PCED1B: variants seen among roughly 807,000 people sequenced by gnomAD.
The protein encoded by PCED1B is PC-esterase domain-containing protein 1B.
For missense variants in PCED1B, 573 were observed against 573.9 expected (o/e 1.00, Z 0.02); for synonymous variants, 251 against 246.1 (o/e 1.02, Z -0.19).
chr12:47,128,107 C>T (rs549135427), intron 2 of PCED1B, among the ~76,000 whole-genome samples: 1 of 152,204 alleles, frequency 6.6e-6, no homozygotes, highest in South Asian at 2.1e-4. Flanking sequence ...AAATTTAGAT[C>T]TGTAAATAAA....
At chr12:47,125,429 G>A (rs187208164) in intron 2 of PCED1B, among the ~76,000 whole-genome samples, 4 of 151,986 alleles carry the variant, frequency 2.6e-5, no homozygotes, top group South Asian at 2.1e-4. Context: ...TTTTTAATAC[G>A]TCTTAATATC....
At chr12:47,183,010 C>T (rs1942144390) in intron 2 of PCED1B, among the ~76,000 whole-genome samples, 1 of 139,820 alleles carries the variant, frequency 7.2e-6, no homozygotes, top group South Asian at 2.7e-4. Flanking sequence ...CTTCAGGGGT[C>T]TCTCTTTTTT....
At chr12:47,106,448 G>A (rs191845824) in intron 2 of PCED1B, among the ~76,000 whole-genome samples, 37 of 152,280 alleles carry the variant, frequency 2.4e-4, no homozygotes, top group African/African-American at 8.4e-4. Context: ...GGGTGCCTAT[G>A]AGAAAGTATA....
chr12:47,188,820 TA>T (rs1183852741), intron 2 of PCED1B, among the ~76,000 whole-genome samples: 1 of 152,192 alleles, frequency 6.6e-6, no homozygotes, highest in African/African-American at 2.4e-5. Flanking sequence ...TCATTCTCCG[TA>T]AAAAACAGGC....
intron 3 of PCED1B, among the ~76,000 whole-genome samples, chr12:47,219,013 T>A (rs2037760233): frequency 6.6e-6 from 1 of 152,014 alleles, no homozygotes; most frequent in African/African-American, 2.4e-5. Context: ...TGGTGGCAAA[T>A]GCCTGTGATC....
At chr12:47,164,860 T>G (rs2137522697) in intron 2 of PCED1B, among the ~76,000 whole-genome samples, 1 of 152,358 alleles carries the variant, frequency 6.6e-6, no homozygotes, top group East Asian at 1.9e-4. Flanking sequence ...AAGCTGTTTA[T>G]GTGGCTAGTT....
chr12:47,186,226 GAAA>G (rs1051033022), intron 2 of PCED1B, among the ~76,000 whole-genome samples: 1,776 of 34,814 alleles, frequency 0.051, 25 homozygotes, highest in Middle Eastern at 0.11. Flanking sequence ...TAAAAAAAAA[GAAA>G]AAAAAAAAGA....
chr12:47,120,807 A>C (rs1048675151), intron 2 of PCED1B, among the ~76,000 whole-genome samples: 3 of 152,116 alleles, frequency 2.0e-5, no homozygotes, highest in African/African-American at 7.2e-5. Context: ...ATCTCAAAAA[A>C]TAATAATAAT....
At chr12:47,231,705 T>C (rs972481453) in intron 3 of PCED1B, among the ~76,000 whole-genome samples, 17 of 152,180 alleles carry the variant, frequency 1.1e-4, no homozygotes, top group African/African-American at 3.6e-4. Flanking sequence ...AAAGAATGCA[T>C]TAGAGCATTC....
chr12:47,179,556 A>G (rs151166488), intron 2 of PCED1B, among the ~76,000 whole-genome samples: 8 of 152,336 alleles, frequency 5.3e-5, no homozygotes, highest in African/African-American at 1.9e-4. Context: ...AATACTTTAA[A>G]AAACAACTGC....
At chr12:47,142,047 C>G (rs191474551) in intron 2 of PCED1B, among the ~76,000 whole-genome samples, 1 of 152,208 alleles carries the variant, frequency 6.6e-6, no homozygotes, top group Admixed American at 6.5e-5. Context: ...GGGAACTACA[C>G]CCATCCATGC....
chr12:47,137,934 T>G (rs532438648), intron 2 of PCED1B, among the ~76,000 whole-genome samples: 13 of 152,276 alleles, frequency 8.5e-5, no homozygotes, highest in African/African-American at 3.1e-4. Flanking sequence ...TTCTTGTCAT[T>G]GAAAAGGACA....
At chr12:47,208,836 G>C (rs1942991515) in intron 2 of PCED1B, 1 of 152,136 alleles carries the variant, frequency 6.6e-6, no homozygotes, top group Non-Finnish European at 1.5e-5. Flanking sequence ...ACACTGGCCG[G>C]GTGCAGTGGT....
chr12:47,117,297 A>C (rs12099634), intron 2 of PCED1B, among the ~76,000 whole-genome samples: 13,108 of 152,164 alleles, frequency 0.086, 914 homozygotes, highest in African/African-American at 0.19. Context: ...TGCTGCACCC[A>C]TTAACTCGTC....
rs978579672 is a variant in PCED1B, at chr12:47,136,476, A to G, written c.-526+32281A>G. ...AAGGATAAGTGAATAATAAGAAGGC[A>G]GCATGATGTACCCAAGGGAAATTTG... is the stretch of plus-strand genomic sequence containing the variant. On this transcript the variant is annotated intron_variant, in intron 2 of 3. Transcript: ENST00000546455. 5.9e-5 allele frequency among the ~76,000 whole-genome samples: 9 copies of G among 152,350 alleles called. No individual in the cohort carries two copies. The East Asian group carries it at 1.7e-3, about 29-fold the overall frequency.
At position 47,185,982 on chromosome 12, in the gene PCED1B, G is replaced by A. The variant is rs147329762; in HGVS notation, c.-525-30240G>A. Among the ~76,000 whole-genome samples the A allele has an allele frequency of 3.6e-3, 548 of 152,136 alleles. 8 individuals carry two copies. The highest frequency in any genetic ancestry group is 0.035 in the East Asian group (181 of 5,140). On this transcript the variant is annotated intron_variant, in intron 2 of 3. Transcript: ENST00000546455. ...CACCTGTAATCCCAGCACTTTGGGA[G>A]GCCAAGGTGGGCGGATCACGAGGTC...
At chr12:47,200,291 T>C (rs1002211659) in intron 2 of PCED1B, among the ~76,000 whole-genome samples, 1 of 151,992 alleles carries the variant, frequency 6.6e-6, no homozygotes, top group Non-Finnish European at 1.5e-5. Flanking sequence ...AAGACCTGAA[T>C]AGACACCGCA....
intron 1 of PCED1B, among the ~76,000 whole-genome samples, chr12:47,085,654 T>G (rs914079240): frequency 8.5e-5 from 13 of 152,138 alleles, no homozygotes; most frequent in Admixed American, 3.3e-4. Context: ...AGAAAAAATA[T>G]ATATGTATGT....
At chr12:47,119,945 G>C (rs1374097494) in intron 2 of PCED1B, among the ~76,000 whole-genome samples, 1 of 148,900 alleles carries the variant, frequency 6.7e-6, no homozygotes, top group Non-Finnish European at 1.5e-5. Context: ...CAGCCTGGGG[G>C]ACAGAGTGAG....
Sources: allele counts gnomAD v4.1 joint callset (sites outside exome capture counted in the v4.1 genomes callset), GRCh38; gene constraint gnomAD v4.1.1; transcripts MANE v1.5; gene names NCBI Gene and HGNC (gene_info 2026-07-23, HGNC 2026-07-21).